SORCS2: variants seen among roughly 807,000 people sequenced by gnomAD.
SORCS2 encodes the protein VPS10 domain-containing receptor SorCS2.
Under a neutral mutation model 141.6 loss-of-function variants are expected in SORCS2, and 100 were observed. That is an observed-to-expected ratio of 0.71 (90% CI 0.60 to 0.83). SORCS2 has a LOEUF of 0.83. SORCS2 is among the 40% of genes least tolerant of loss of function. SORCS2 has a pLI of 0.00. For synonymous variants in SORCS2, 789 were observed against 676.9 expected (o/e 1.17, Z -2.57); for missense variants, 1,646 against 1,560.2 (o/e 1.05, Z -0.93).
chr4:7,433,694 A>G (rs761905539), intron 2 of SORCS2: 2 of 1,612,776 alleles, frequency 1.2e-6, no homozygotes, highest in Non-Finnish European at 1.7e-6. Flanking sequence ...CACCCATTGC[A>G]GAAGCTGCCC....
intron 1 of SORCS2, among the ~76,000 whole-genome samples, chr4:7,263,192 T>C (rs1560149099): frequency 1.3e-5 from 2 of 152,198 alleles, no homozygotes; most frequent in Non-Finnish European, 2.9e-5. Flanking sequence ...CAGATTGTTT[T>C]AAATACTCAA....
At chr4:7,651,188 C>A (rs931229261) in intron 4 of SORCS2, among the ~76,000 whole-genome samples, 2 of 152,146 alleles carry the variant, frequency 1.3e-5, no homozygotes, top group African/African-American at 4.8e-5. Flanking sequence ...GACAGAGTCT[C>A]CTGTTGTCCA....
intron 1 of SORCS2, among the ~76,000 whole-genome samples, chr4:7,288,827 T>G: frequency 6.6e-6 from 1 of 150,974 alleles, no homozygotes; most frequent in Non-Finnish European, 1.5e-5. Flanking sequence ...GTTCAGTCTG[T>G]CCTCAGCATG....
At chr4:7,370,346 C>T (rs1013663935) in intron 1 of SORCS2, among the ~76,000 whole-genome samples, 2 of 152,164 alleles carry the variant, frequency 1.3e-5, no homozygotes, top group Non-Finnish European at 2.9e-5. Context: ...ATCTGGGCCC[C>T]TGGGCTACCT....
At chr4:7,372,522 G>C (rs1205895545) in intron 1 of SORCS2, among the ~76,000 whole-genome samples, 1 of 152,192 alleles carries the variant, frequency 6.6e-6, no homozygotes, top group Non-Finnish European at 1.5e-5. Flanking sequence ...TGGCCAGGCT[G>C]ATCTTGAACT....
intron 2 of SORCS2, among the ~76,000 whole-genome samples, chr4:7,422,423 GC>G (rs1726139647): frequency 6.6e-6 from 1 of 152,166 alleles, no homozygotes; most frequent in African/African-American, 2.4e-5. Flanking sequence ...CGTGGACACT[GC>G]CCGTGGGCCC....
intron 4 of SORCS2, among the ~76,000 whole-genome samples, chr4:7,651,206 GA>G (rs1041463862): frequency 3.3e-5 from 5 of 152,206 alleles, no homozygotes; most frequent in African/African-American, 1.2e-4. Context: ...CCAGGATGGG[GA>G]AAGGCAAACG....
intron 3 of SORCS2, among the ~76,000 whole-genome samples, chr4:7,619,771 G>T (rs966669861): frequency 6.6e-6 from 1 of 152,308 alleles, no homozygotes; most frequent in South Asian, 2.1e-4. Flanking sequence ...GTATCAGGCC[G>T]ATACTCACGT....
intron 1 of SORCS2, among the ~76,000 whole-genome samples, chr4:7,232,166 G>A (rs1170175626): frequency 6.6e-6 from 1 of 152,176 alleles, no homozygotes; most frequent in Non-Finnish European, 1.5e-5. Context: ...TGGAGGCTGC[G>A]GGCCCTGGGG....
chr4:7,358,639 G>A lies in SORCS2; in HGVS notation c.481-37649G>A, dbSNP rs545136326. ...TCTAAGTAGCGTTTCTATTTGTTAA[G>A]TCACAGATGCGGATCTCAATCTGAC... is the stretch of plus-strand genomic sequence containing the variant. On this transcript the variant is annotated intron_variant, in intron 1 of 26. Transcript: ENST00000507866. 1.6e-3 allele frequency among the ~76,000 whole-genome samples: 243 copies of A among 152,302 alleles called. 1 individual carries two copies. The highest frequency in any genetic ancestry group is 3.3e-3 in the South Asian group (16 of 4,830).
intron 8 of SORCS2, among the ~76,000 whole-genome samples, chr4:7,672,436 A>C (rs1722855983): frequency 6.6e-6 from 1 of 152,220 alleles, no homozygotes; most frequent in African/African-American, 2.4e-5. Context: ...CTCTTTCATG[A>C]ATTTTATATA....
intron 2 of SORCS2, among the ~76,000 whole-genome samples, chr4:7,403,438 C>T (rs1046650843): frequency 2.6e-5 from 4 of 152,080 alleles, no homozygotes; most frequent in Non-Finnish European, 4.4e-5. Flanking sequence ...TTCCATTTGC[C>T]AAGCCATGGT....
intron 2 of SORCS2, among the ~76,000 whole-genome samples, chr4:7,398,548 A>G (rs1311443295): frequency 1.3e-5 from 2 of 152,194 alleles, no homozygotes; most frequent in Non-Finnish European, 2.9e-5. Context: ...GCTTGCAGAG[A>G]CATTAGTCAT....
chr4:7,486,496 C>T (rs554766687), intron 2 of SORCS2, among the ~76,000 whole-genome samples: 2 of 152,214 alleles, frequency 1.3e-5, no homozygotes, highest in African/African-American at 4.8e-5. Flanking sequence ...GATGCCTGTT[C>T]CTGCGGGACC....
At chr4:7,302,857 G>A (rs1056148686) in intron 1 of SORCS2, among the ~76,000 whole-genome samples, 3 of 151,524 alleles carry the variant, frequency 2.0e-5, no homozygotes, top group Admixed American at 6.6e-5. Context: ...GTATTGTATA[G>A]CATTTTATGG....
chr4:7,264,530 G>A (rs907787714), intron 1 of SORCS2, among the ~76,000 whole-genome samples: 1 of 152,204 alleles, frequency 6.6e-6, no homozygotes, highest in African/African-American at 2.4e-5. Context: ...AATCACAGGT[G>A]GGCACTCAGC....
chr4:7,585,339 G>A (rs975430338), intron 3 of SORCS2, among the ~76,000 whole-genome samples: 12 of 152,200 alleles, frequency 7.9e-5, no homozygotes, highest in African/African-American at 2.9e-4. Context: ...CTTCCAAGGG[G>A]TGGTTTGGGC....
intron 1 of SORCS2, among the ~76,000 whole-genome samples, chr4:7,362,503 G>A (rs1379648220): frequency 6.6e-6 from 1 of 152,186 alleles, no homozygotes; most frequent in Non-Finnish European, 1.5e-5. Context: ...CTGGTAGTAT[G>A]TGCTCAACAC....
At chr4:7,269,434 A>C (rs62279430) in intron 1 of SORCS2, among the ~76,000 whole-genome samples, 20 of 152,222 alleles carry the variant, frequency 1.3e-4, no homozygotes, top group African/African-American at 4.3e-4. Context: ...ATCTGTGAAC[A>C]CGATCTTATT....
Sources: allele counts gnomAD v4.1 joint callset (sites outside exome capture counted in the v4.1 genomes callset), GRCh38; gene constraint gnomAD v4.1.1; transcripts MANE v1.5; gene names NCBI Gene and HGNC (gene_info 2026-07-23, HGNC 2026-07-21).